The following CNTLN variants were observed in gnomAD, a reference collection of about 807,000 sequenced individuals.
CNTLN encodes centlein, centrosomal protein.
Under a neutral mutation model 180.0 loss-of-function variants are expected in CNTLN, and 212 were observed. The observed-to-expected ratio is 1.18, with a 90% confidence interval of 1.05 to 1.32. The LOEUF is 1.32. CNTLN is among the 40% of genes most tolerant of loss of function. CNTLN has a pLI of 0.00. For synonymous variants in CNTLN, 722 were observed against 563.1 expected (o/e 1.28, Z -3.99); for missense variants, 2,095 against 1,610.9 (o/e 1.30, Z -5.14).
chr9:17,478,826 CTA>C (rs2134281146), intron 23 of CNTLN, among the ~76,000 whole-genome samples: 1 of 152,220 alleles, frequency 6.6e-6, no homozygotes, highest in East Asian at 1.9e-4. Flanking sequence ...TTCCATTGGT[CTA>C]TGTCTGTCTT....
intron 6 of CNTLN, among the ~76,000 whole-genome samples, chr9:17,289,717 C>G (rs1829234260): frequency 7.1e-6 from 1 of 141,232 alleles, no homozygotes; most frequent in Admixed American, 7.1e-5. Flanking sequence ...TCTTTTTATT[C>G]TTTTTTCTCT....
chr9:17,483,422 G>A (rs1288923643), intron 23 of CNTLN, among the ~76,000 whole-genome samples: 2 of 152,138 alleles, frequency 1.3e-5, no homozygotes, highest in Admixed American at 6.5e-5. Context: ...CAAAATTATA[G>A]TTATACACAC....
At chr9:17,300,913 A>T (rs1463591961) in intron 7 of CNTLN, 17 of 928,484 alleles carry the variant, frequency 1.8e-5, no homozygotes, top group Non-Finnish European at 2.2e-5. Context: ...TTATCTGCAT[A>T]GATACCATTT....
chr9:17,482,114 A>G (rs1832680173), intron 23 of CNTLN, among the ~76,000 whole-genome samples: 1 of 152,272 alleles, frequency 6.6e-6, no homozygotes, highest in African/African-American at 2.4e-5. Context: ...ATGAATATAT[A>G]GAAACTGACA....
intron 20 of CNTLN, 21 bp downstream of exon 20, chr9:17,463,034 T>C: frequency 1.4e-6 from 2 of 1,480,908 alleles, no homozygotes; most frequent in Non-Finnish European, 9.3e-7. Flanking sequence ...TGTATTTCTA[T>C]CCATTGTATT....
chr9:17,236,036 G>T (rs190390586), intron 4 of CNTLN, among the ~76,000 whole-genome samples: 1 of 152,302 alleles, frequency 6.6e-6, no homozygotes, highest in East Asian at 1.9e-4. Context: ...GTAGGAGTGT[G>T]AATATGTGGC....
chr9:17,265,257 T>C (rs1393768813), intron 5 of CNTLN, among the ~76,000 whole-genome samples: 5 of 152,032 alleles, frequency 3.3e-5, no homozygotes, highest in African/African-American at 7.3e-5. Context: ...TGAAGCATTG[T>C]TGAATTTTGT....
At chr9:17,295,151 C>CCGGAACTCTAGCTGGCCCGCAGG (rs1817782041) in intron 6 of CNTLN, among the ~76,000 whole-genome samples, 1 of 151,968 alleles carries the variant, frequency 6.6e-6, no homozygotes, top group African/African-American at 2.4e-5. Context: ...CCACGCCCAC[C>CCGGAACTCTAGCTGGCCCGCAGG]CGGAACTCTA....
At chr9:17,267,505 C>G (rs976098032) in intron 5 of CNTLN, among the ~76,000 whole-genome samples, 3 of 151,984 alleles carry the variant, frequency 2.0e-5, no homozygotes, top group African/African-American at 7.3e-5. Flanking sequence ...GTGAATCTGA[C>G]AATTATGTGT....
rs142174381 is a variant in CNTLN at position 17,282,250 on chromosome 9, G to A, written c.983+8384G>A. Among the ~76,000 whole-genome samples the A allele has an allele frequency of 5.1e-3, 776 of 152,244 alleles. 5 individuals are homozygous for A. Among genetic ancestry groups the A allele is most frequent in the African/African-American group, 0.017 (714 of 41,542 alleles). ...TGCTGGGATTACAGAGTGAGACACC[G>A]TGCCTGGCTGACTTCTTAATAATAT... On this transcript the variant is annotated intron_variant, in intron 6 of 25. Transcript: ENST00000380647.
rs1831773514 is a variant in CNTLN at position 17,466,755 on chromosome 9, C to T, written c.3719C>T (p.Ala1240Val). The change falls in exon 23 of 26, where the codon GCA becomes GTA. Residue 1240 changes from alanine to valine, a missense_variant. Transcript: ENST00000380647. ...TCAAGAATAAGTGAGACTGAATCTG[C>T]AATGGCAGAAATTGAAACAGCAGCA... ...LVSRISETESAMAEIETAASK... is the reference protein window; with the variant it reads ...LVSRISETESVMAEIETAASK... 6.2e-7 allele frequency: 1 copy of T among 1,610,516 alleles called. No individual in the cohort carries two copies. Among genetic ancestry groups the T allele is most frequent in the Non-Finnish European group, 8.5e-7 (1 of 1,177,730 alleles).
At chr9:17,147,453 G>A (rs1818532486) in intron 2 of CNTLN, among the ~76,000 whole-genome samples, 1 of 152,010 alleles carries the variant, frequency 6.6e-6, no homozygotes, top group Non-Finnish European at 1.5e-5. Context: ...CTTACTAATT[G>A]GGTACTTATA....
At chr9:17,493,688 T>C (rs750907404) in intron 25 of CNTLN, among the ~76,000 whole-genome samples, 1 of 152,148 alleles carries the variant, frequency 6.6e-6, no homozygotes, top group Non-Finnish European at 1.5e-5. Context: ...TGAAGCACAA[T>C]GGGTAATAAA....
In CNTLN at chr9:17,356,998, A is replaced by G. The variant is rs562012511; in HGVS notation, c.1887-9619A>G. Reference sequence around the variant, plus strand: ...GTATTATGAGTGTGTGTGTGTATATATACATATTTGTTTCTCATTTCCTAC... The same window carrying G: ...GTATTATGAGTGTGTGTGTGTATATGTACATATTTGTTTCTCATTTCCTAC... On this transcript the variant is annotated intron_variant, in intron 12 of 25. Coordinates refer to ENST00000380647, the MANE Select transcript of CNTLN (RefSeq NM_017738.4). Among the ~76,000 whole-genome samples the G allele has an allele frequency of 5.3e-5, 8 of 152,142 alleles. No individual in the cohort carries two copies. The South Asian group carries it at 1.2e-3, about 24-fold the overall frequency.
chr9:17,203,893 CT>C (rs1822733756), intron 2 of CNTLN, among the ~76,000 whole-genome samples: 1 of 152,158 alleles, frequency 6.6e-6, no homozygotes, highest in African/African-American at 2.4e-5. Context: ...TGTCTTCACA[CT>C]TTCTTTCGGT....
At chr9:17,330,595 CAT>C in intron 8 of CNTLN, 35 bp from the exon 9 acceptor site, 1 of 1,118,468 alleles carries the variant, frequency 8.9e-7, no homozygotes. Context: ...AAGATACAAA[CAT>C]AGATATCTAT....
intron 6 of CNTLN, among the ~76,000 whole-genome samples, chr9:17,287,135 C>T (rs921581889): frequency 1.5e-5 from 2 of 135,018 alleles, no homozygotes; most frequent in South Asian, 2.6e-4. Context: ...ATGATATTGG[C>T]TGTGGGTTTG....
rs71304884 is a variant in CNTLN at position 17,198,534 on chromosome 9, ATTT to A, written c.450-27653_450-27651del. ...CATTGTACATGGGATTACTTTCTTG[ATTT>A]TTTTTTTTTTTTTTTAGATTATTTG... On this transcript the variant is annotated intron_variant, in intron 2 of 25. Transcript: ENST00000380647. 7.4e-3 allele frequency among the ~76,000 whole-genome samples: 723 copies of A among 98,056 alleles called. 5 individuals are homozygous for A. The highest frequency in any genetic ancestry group is 0.011 in the Admixed American group (112 of 10,102). The allele number at this position is 98,056 out of a possible 152,430, so 64.3% of individuals were successfully genotyped here.
the CNTLN span, among the ~76,000 whole-genome samples, chr9:17,514,134 C>T: frequency 7.7e-6 from 1 of 129,808 alleles, no homozygotes; most frequent in Non-Finnish European, 1.6e-5. Context: ...ATAGTGAGAC[C>T]CCATTTCTGC....
Sources: gnomAD v4.1 joint callset for allele counts (sites outside exome capture counted in the v4.1 genomes callset) on GRCh38, gnomAD v4.1.1 for gene constraint, MANE v1.5 for transcripts, NCBI Gene and HGNC (gene_info 2026-07-23, HGNC 2026-07-21) for gene names.